KIFBP: variants seen among roughly 807,000 people sequenced by gnomAD.
KIFBP encodes the protein kinesin family binding protein, also known as KIF-binding protein.
Under a neutral mutation model 58.9 loss-of-function variants are expected in KIFBP, and 46 were observed. The ratio of observed to expected loss-of-function variants is 0.78; its 90% CI spans 0.62 to 1.00. The LOEUF (loss-of-function observed/expected upper bound fraction) is 1.00, where lower values mean the gene tolerates loss of function less well. Among genes scored for constraint, KIFBP ranks in the 50% least tolerant of loss-of-function variants. The pLI is 0.00. For missense variants in KIFBP, 651 were observed against 752.9 expected, an observed-to-expected ratio of 0.86 and a Z score of 1.58; for synonymous variants, 241 against 283.4, an observed-to-expected ratio of 0.85 and a Z score of 1.50.
chr10:68,997,932 C>G (rs1466187494), intron 1 of KIFBP, among the ~76,000 whole-genome samples: 1 of 151,874 alleles, frequency 6.6e-6, no homozygotes, highest in Non-Finnish European at 1.5e-5. Flanking sequence ...CAGAAAGCAA[C>G]AATTCTTGGT....
At position 68,988,806 on chromosome 10, in the gene KIFBP, G is replaced by A; in HGVS notation, c.-27G>A. On this transcript the variant is annotated 5_prime_UTR_variant, in exon 1 of 7. Coordinates refer to ENST00000361983, the MANE Select transcript of KIFBP (RefSeq NM_015634.4). Reference sequence around the variant, plus strand: ...GGCGGGAGTCCCGACTGCAAACATTGAGGAAAGCCAGGCAGTAGAGGCCGC... The same window carrying A: ...GGCGGGAGTCCCGACTGCAAACATTAAGGAAAGCCAGGCAGTAGAGGCCGC... The A allele has an allele frequency of 6.2e-7, 1 of 1,614,216 alleles. No individual in the cohort carries two copies. Among genetic ancestry groups the A allele is most frequent in the Non-Finnish European group, 8.5e-7 (1 of 1,180,028 alleles).
chr10:68,989,415 A>G (rs1056811500), intron 1 of KIFBP, 157 bp downstream of exon 1: 1 of 812,338 alleles, frequency 1.2e-6, no homozygotes. Flanking sequence ...TGGTCTTCAA[A>G]AAAGCCAGTC....
At position 68,989,209 on chromosome 10, in the gene KIFBP, G is replaced by T. The variant is rs1308188448; in HGVS notation, c.377G>T (p.Arg126Leu). ...EHLVKCLRLLRRYRLSHDCIS... is the reference protein window; with the variant it reads ...EHLVKCLRLLLRYRLSHDCIS... Reference sequence around the variant, plus strand: ...CTGGTGAAATGCCTGCGGCTGCTGCGCAGGTACCGGCTCTCGCACGACTGC... The same window carrying T: ...CTGGTGAAATGCCTGCGGCTGCTGCTCAGGTACCGGCTCTCGCACGACTGC... The change falls in exon 1 of 7, where the codon CGC becomes CTC. Residue 126 changes from arginine to leucine, a missense_variant. Physicochemically the swap from Arg to Leu is moderately radical, Grantham distance 102. Transcript: ENST00000361983. 1 of 1,613,576 alleles carries T rather than the reference G, an allele frequency of 6.2e-7. No individual in the cohort carries two copies. The highest frequency in any genetic ancestry group is 8.5e-7 in the Non-Finnish European group (1 of 1,179,952).
chr10:69,008,391 A>AAAAATATATATATATAT, intron 4 of KIFBP, among the ~76,000 whole-genome samples: 15 of 71,590 alleles, frequency 2.1e-4, no homozygotes, highest in Middle Eastern at 0.01. Flanking sequence ...AAAAAAAAAA[A>AAAAATATATATATATAT]ATATATATAT....
At chr10:69,000,348 G>T in intron 1 of KIFBP, 76 bp from the exon 2 acceptor site, 2 of 967,516 alleles carry the variant, frequency 2.1e-6, no homozygotes, top group South Asian at 2.6e-5. Flanking sequence ...TATAAGTATT[G>T]ACTTCAAAAC....
At position 69,008,935 on chromosome 10, in the gene KIFBP, C is replaced by T. The variant is rs1193627756; in HGVS notation, c.874+10C>T. 6.3e-7 allele frequency: 1 copy of T among 1,599,818 alleles called. No homozygotes were observed. Among genetic ancestry groups the T allele is most frequent in the Admixed American group, 1.7e-5 (1 of 59,984 alleles). On this transcript the variant is annotated intron_variant, in intron 5 of 6. Coordinates refer to ENST00000361983, the MANE Select transcript of KIFBP (RefSeq NM_015634.4). ...TCAGCCACAGAAGACAGTAAGTTTACCTTTGCATGTTTTACATAGCTTTTA... is the reference window on the plus strand; with the variant it reads ...TCAGCCACAGAAGACAGTAAGTTTATCTTTGCATGTTTTACATAGCTTTTA...
At chr10:69,014,717 C>T (rs1022847690) in intron 6 of KIFBP, among the ~76,000 whole-genome samples, 1 of 73,882 alleles carries the variant, frequency 1.4e-5, no homozygotes, top group Admixed American at 1.5e-4. Flanking sequence ...TTTTTATTTG[C>T]CCCCCCCCAC....
chr10:69,002,459 C>G (rs1022679071), intron 2 of KIFBP, among the ~76,000 whole-genome samples: 1 of 152,000 alleles, frequency 6.6e-6, no homozygotes, highest in Admixed American at 6.6e-5. Flanking sequence ...TGCCCAGCCT[C>G]GTACCTTGGC....
At position 68,988,881 on chromosome 10, in the gene KIFBP, C is replaced by T; in HGVS notation, c.49C>T (p.Leu17Phe). 6.2e-7 allele frequency: 1 copy of T among 1,614,272 alleles called. No individual in the cohort carries two copies. Among genetic ancestry groups the T allele is most frequent in the Non-Finnish European group, 8.5e-7 (1 of 1,180,048 alleles). ...AEVCEKFQAA[L>F]ALSRVELHKN... The stretch of plus-strand genomic sequence containing the variant: ...GGTCTGCGAGAAATTCCAGGCGGCG[C>T]TCGCTCTGTCGCGGGTGGAACTGCA... Residue 17 changes from leucine (L) to phenylalanine (F), a missense_variant, in exon 1 of 7, where the codon CTC becomes TTC. Coordinates refer to ENST00000361983, the MANE Select transcript of KIFBP (RefSeq NM_015634.4).
chr10:69,016,152 T>C lies in KIFBP; in HGVS notation c.1602T>C (p.His534=), dbSNP rs770183633. Residue 534 remains histidine (H), a synonymous_variant, in exon 7 of 7, where the codon CAT becomes CAC. Transcript: ENST00000361983. ...LRDPNKVFPE[H]IGEDVLRPAM... ...ACCCAAATAAAGTATTCCCTGAGCATATAGGGGAAGATGTTCTTCGCCCTG... is the reference window on the plus strand; with the variant it reads ...ACCCAAATAAAGTATTCCCTGAGCACATAGGGGAAGATGTTCTTCGCCCTG... 1 of 1,614,210 alleles carries C rather than the reference T, an allele frequency of 6.2e-7. No individual in the cohort carries two copies. The highest frequency in any genetic ancestry group is 2.2e-5 in the East Asian group (1 of 44,890).
In KIFBP at chr10:68,988,884, G is replaced by A; in HGVS notation, c.52G>A (p.Ala18Thr). Residue 18 changes from alanine (A) to threonine (T), a missense_variant, in exon 1 of 7, where the codon GCT becomes ACT. Coordinates refer to ENST00000361983, the MANE Select transcript of KIFBP (RefSeq NM_015634.4). ...EVCEKFQAAL[A>T]LSRVELHKNP... is the part of the protein sequence containing the mutation. Reference sequence around the variant, plus strand: ...CTGCGAGAAATTCCAGGCGGCGCTCGCTCTGTCGCGGGTGGAACTGCATAA... The same window carrying A: ...CTGCGAGAAATTCCAGGCGGCGCTCACTCTGTCGCGGGTGGAACTGCATAA... 1 of 1,614,260 alleles carries A rather than the reference G, an allele frequency of 6.2e-7. No homozygotes were observed. Among genetic ancestry groups the A allele is most frequent in the Non-Finnish European group, 8.5e-7 (1 of 1,180,044 alleles).
chr10:69,016,519 G>C lies in KIFBP; in HGVS notation c.*103G>C, dbSNP rs1246522253. ...GATGTTTACCTTTATAGCCAGGTGA[G>C]TGCAGTTTGAACTTGAGATACAGTC... On this transcript the variant is annotated 3_prime_UTR_variant, in exon 7 of 7. Transcript: ENST00000361983. The C allele has an allele frequency of 8.3e-7, 1 of 1,208,356 alleles. No homozygotes were observed. The highest frequency in any genetic ancestry group is 1.2e-6 in the Non-Finnish European group (1 of 833,666). The allele number at this position is 1,208,356 out of a possible 1,614,324, so 74.9% of individuals were successfully genotyped here.
At chr10:69,008,726 G>C in intron 4 of KIFBP, 115 bp from the exon 5 acceptor site, 1 of 825,394 alleles carries the variant, frequency 1.2e-6, no homozygotes, top group Non-Finnish European at 2.1e-6. Flanking sequence ...GGCCTCCTTT[G>C]TAGTATTTTT....
chr10:68,996,146 A>G (rs1488521236), intron 1 of KIFBP, among the ~76,000 whole-genome samples: 1 of 141,642 alleles, frequency 7.1e-6, no homozygotes, highest in African/African-American at 2.6e-5. Flanking sequence ...CAACAGAGCA[A>G]GACTCTATCT....
At chr10:69,000,576 G>T in intron 2 of KIFBP, 54 bp downstream of exon 2, 1 of 1,096,620 alleles carries the variant, frequency 9.1e-7, no homozygotes, top group Non-Finnish European at 1.4e-6. Flanking sequence ...GTTAAGAATT[G>T]ATAGTAAGAA....
chr10:69,015,699 C>A lies in KIFBP; in HGVS notation c.1149C>A (p.Tyr383Ter). 10 of 1,614,214 alleles carry A rather than the reference C, an allele frequency of 6.2e-6. No individual in the cohort carries two copies. Among genetic ancestry groups the A allele is most frequent in the Non-Finnish European group, 8.5e-6 (10 of 1,180,044 alleles). The change falls in exon 7 of 7, where the codon TAC becomes TAA. Residue 383 changes from tyrosine to a stop codon, truncating the protein, a stop_gained. Transcript: ENST00000361983. LOFTEE classifies it high-confidence loss of function. Reference protein sequence around the residue: ...AISAVEEKVSYLRPLDFEEAR... With the variant: ...AISAVEEKVS ...CTGCAGTAGAAGAGAAAGTGAGCTA[C>A]TTGAGACCTTTAGATTTTGAAGAAG...
chr10:69,003,635 T>A (rs56370949), intron 2 of KIFBP, among the ~76,000 whole-genome samples: 149 of 152,306 alleles, frequency 9.8e-4, no homozygotes, highest in African/African-American at 3.3e-3. Context: ...GATACTGTTA[T>A]TACCCTTATT....
intron 2 of KIFBP, among the ~76,000 whole-genome samples, chr10:69,000,803 T>A (rs2132110936): frequency 6.6e-6 from 1 of 152,358 alleles, no homozygotes; most frequent in Non-Finnish European, 1.5e-5. Context: ...ATTTGCATGT[T>A]TTTGTATTTA....
At chr10:69,008,537 C>T (rs1463374133) in intron 4 of KIFBP, among the ~76,000 whole-genome samples, 2 of 150,670 alleles carry the variant, frequency 1.3e-5, no homozygotes, top group African/African-American at 4.9e-5. Flanking sequence ...ACAGCCATTC[C>T]TGTATATCTA....
Sources: allele counts gnomAD v4.1 joint callset (sites outside exome capture counted in the v4.1 genomes callset), GRCh38; gene constraint gnomAD v4.1.1; transcripts MANE v1.5; gene names NCBI Gene and HGNC (gene_info 2026-07-23, HGNC 2026-07-21).